The following NPFFR2 variants were observed in gnomAD, a reference collection of about 807,000 sequenced individuals.
NPFFR2 encodes the protein neuropeptide FF receptor 2.
Under a neutral mutation model 13.1 loss-of-function variants are expected in NPFFR2, and 15 were observed. The ratio of observed to expected loss-of-function variants is 1.15; its 90% CI spans 0.77 to 1.76. NPFFR2 has a LOEUF of 1.76. NPFFR2 is among the 40% of genes most tolerant of loss of function. The pLI is 0.00. For synonymous variants in NPFFR2, 190 were observed against 175.7 expected, an observed-to-expected ratio of 1.08 and a Z score of -0.65; for missense variants, 572 against 503.5, an observed-to-expected ratio of 1.14 and a Z score of -1.30.
intron 1 of NPFFR2, among the ~76,000 whole-genome samples, chr4:72,051,201 A>G (rs1719566517): frequency 6.6e-6 from 1 of 151,822 alleles, no homozygotes; most frequent in South Asian, 2.1e-4. Context: ...GACTTCCACA[A>G]TGGTTGAACT....
At chr4:72,038,860 A>ATAT (rs1719111923) in intron 1 of NPFFR2, among the ~76,000 whole-genome samples, 1 of 147,608 alleles carries the variant, frequency 6.8e-6, no homozygotes, top group Non-Finnish European at 1.5e-5. Context: ...AAACTAAATT[A>ATAT]TATCATAATG....
At chr4:72,092,515 G>T (rs1198397055) in intron 1 of NPFFR2, among the ~76,000 whole-genome samples, 1 of 152,056 alleles carries the variant, frequency 6.6e-6, no homozygotes, top group Admixed American at 6.6e-5. Context: ...AAATTTGGGA[G>T]CTCCAGTGTT....
chr4:72,125,584 C>T (rs1369560864), intron 1 of NPFFR2, among the ~76,000 whole-genome samples: 2 of 152,132 alleles, frequency 1.3e-5, no homozygotes, highest in Admixed American at 1.3e-4. Flanking sequence ...ATTGGCAAGG[C>T]TGCGTTTTTT....
At chr4:72,039,042 C>CTACAGGCCCCTGCCA (rs200905281) in intron 1 of NPFFR2, 1 of 146,386 alleles carries the variant, frequency 6.8e-6, no homozygotes, top group East Asian at 2.1e-4. Context: ...GTAGCTGGGA[C>CTACAGGCCCCTGCCA]TGGCGCCTGG....
At chr4:72,078,935 G>A (rs1386774414) in intron 1 of NPFFR2, among the ~76,000 whole-genome samples, 1 of 152,038 alleles carries the variant, frequency 6.6e-6, no homozygotes, top group Non-Finnish European at 1.5e-5. Flanking sequence ...GGAAGTTGGA[G>A]GGTGGGAGGT....
chr4:72,048,485 T>C (rs1719442946), intron 1 of NPFFR2, among the ~76,000 whole-genome samples: 1 of 152,122 alleles, frequency 6.6e-6, no homozygotes, highest in Non-Finnish European at 1.5e-5. Context: ...CAATTCACAA[T>C]ATACATATAT....
At chr4:72,106,946 A>C (rs922957762) in intron 1 of NPFFR2, among the ~76,000 whole-genome samples, 4 of 152,002 alleles carry the variant, frequency 2.6e-5, no homozygotes, top group African/African-American at 7.2e-5. Context: ...TTCACATTGA[A>C]TATCACGTCA....
rs116000216 is a variant in NPFFR2, at chr4:72,035,068, C to T, written c.-8+2868C>T. Among the ~76,000 whole-genome samples the T allele has an allele frequency of 8.8e-3, 1,338 of 152,330 alleles. 10 individuals carry two copies. The highest frequency in any genetic ancestry group is 0.02 in the African/African-American group (822 of 41,574). ...TAATTTGATTTCTAAAATTATTTTA[C>T]CCCTCTAGATTTCTCTGTTTCTATG... is the stretch of plus-strand genomic sequence containing the variant. On this transcript the variant is annotated intron_variant, in intron 1 of 3. Coordinates refer to ENST00000308744, the MANE Select transcript of NPFFR2 (RefSeq NM_004885.3).
chr4:72,044,051 C>T (rs1404413289), intron 1 of NPFFR2, among the ~76,000 whole-genome samples: 1 of 152,140 alleles, frequency 6.6e-6, no homozygotes, highest in South Asian at 2.1e-4. Flanking sequence ...AGTGAGTCCT[C>T]ACAAGATCTG....
chr4:72,043,580 T>C (rs1268749261), intron 1 of NPFFR2, among the ~76,000 whole-genome samples: 1 of 152,252 alleles, frequency 6.6e-6, no homozygotes, highest in Non-Finnish European at 1.5e-5. Context: ...GAGATCATTT[T>C]GGTAATTTAA....
chr4:72,106,737 A>T (rs1291602898), intron 1 of NPFFR2, among the ~76,000 whole-genome samples: 1 of 152,040 alleles, frequency 6.6e-6, no homozygotes, highest in Non-Finnish European at 1.5e-5. Context: ...AAAAGAAGCC[A>T]ACGGGGCATC....
intron 1 of NPFFR2, among the ~76,000 whole-genome samples, chr4:72,083,894 T>C (rs1468803928): frequency 6.6e-6 from 1 of 152,084 alleles, no homozygotes; most frequent in African/African-American, 2.4e-5. Flanking sequence ...CTGCATTCCA[T>C]TCAGTTCTCA....
intron 1 of NPFFR2, among the ~76,000 whole-genome samples, chr4:72,095,099 AT>A (rs1204134419): frequency 6.6e-6 from 1 of 151,994 alleles, no homozygotes; most frequent in Non-Finnish European, 1.5e-5. Flanking sequence ...TCGTTAATGA[AT>A]TTTTTTTGAA....
intron 1 of NPFFR2, among the ~76,000 whole-genome samples, chr4:72,037,335 T>A (rs1053589654): frequency 6.6e-6 from 1 of 150,698 alleles, no homozygotes; most frequent in Admixed American, 6.6e-5. Flanking sequence ...CCCCTGGAGG[T>A]TGAGGTTGCA....
At chr4:72,088,287 T>G (rs1720822383) in intron 1 of NPFFR2, among the ~76,000 whole-genome samples, 1 of 152,112 alleles carries the variant, frequency 6.6e-6, no homozygotes, top group Non-Finnish European at 1.5e-5. Context: ...TTTATTTAAC[T>G]CTATATTTCT....
intron 1 of NPFFR2, among the ~76,000 whole-genome samples, chr4:72,068,530 C>T (rs576375843): frequency 1.3e-5 from 2 of 152,290 alleles, no homozygotes; most frequent in East Asian, 3.9e-4. Flanking sequence ...CATGCTCAAG[C>T]CATAGCACCA....
intron 1 of NPFFR2, among the ~76,000 whole-genome samples, chr4:72,106,086 G>A (rs754313610): frequency 3.0e-4 from 45 of 152,056 alleles, no homozygotes; most frequent in Non-Finnish European, 4.4e-4. Context: ...TTGTAAGATG[G>A]AGGGGTCAGT....
chr4:72,044,016 C>T (rs1283507590), intron 1 of NPFFR2, among the ~76,000 whole-genome samples: 1 of 152,154 alleles, frequency 6.6e-6, no homozygotes, highest in Non-Finnish European at 1.5e-5. Flanking sequence ...GGGGCACTTA[C>T]TTCCATGCTG....
chr4:72,059,410 A>G (rs189806756), intron 1 of NPFFR2, among the ~76,000 whole-genome samples: 2 of 152,208 alleles, frequency 1.3e-5, no homozygotes, highest in Admixed American at 1.3e-4. Context: ...AGAGCTGCAC[A>G]CCAGATTCTA....
Sources: allele counts gnomAD v4.1 joint callset (sites outside exome capture counted in the v4.1 genomes callset), GRCh38; gene constraint gnomAD v4.1.1; transcripts MANE v1.5; gene names NCBI Gene and HGNC (gene_info 2026-07-23, HGNC 2026-07-21).